Variants in ZCCHC7 observed in about 807,000 individuals in gnomAD.
ZCCHC7 encodes zinc finger CCHC-type containing 7.
Under a neutral mutation model 52.0 loss-of-function variants are expected in ZCCHC7, and 35 were observed. The observed-to-expected ratio is 0.67, with a 90% CI of 0.51 to 0.89. The LOEUF is 0.89. Among genes scored for constraint, ZCCHC7 ranks in the 40% least tolerant of loss-of-function variants. ZCCHC7 has a pLI of 0.00. For synonymous variants in ZCCHC7, 217 were observed against 221.5 expected, an observed-to-expected ratio of 0.98 and a Z score of 0.18; for missense variants, 574 against 649.1, an observed-to-expected ratio of 0.88 and a Z score of 1.26.
intron 2 of ZCCHC7, among the ~76,000 whole-genome samples, chr9:37,280,065 C>G (rs1044647423): frequency 2.0e-5 from 3 of 151,864 alleles, no homozygotes; most frequent in African/African-American, 2.4e-5. Context: ...GGCGCGAACC[C>G]GGGAGGCGGA....
chr9:37,238,635 G>C (rs541873427), intron 2 of ZCCHC7, among the ~76,000 whole-genome samples: 1 of 151,782 alleles, frequency 6.6e-6, no homozygotes, highest in African/African-American at 2.4e-5. Flanking sequence ...ATTTGGTTTC[G>C]ATTTTGCTTA....
At chr9:37,199,526 T>C (rs564020455) in intron 2 of ZCCHC7, among the ~76,000 whole-genome samples, 1 of 151,938 alleles carries the variant, frequency 6.6e-6, no homozygotes, top group African/African-American at 2.4e-5. Context: ...AGACACAGGG[T>C]TTCACTATGT....
intron 2 of ZCCHC7, among the ~76,000 whole-genome samples, chr9:37,178,753 A>C (rs1822193510): frequency 6.6e-6 from 1 of 152,234 alleles, no homozygotes; most frequent in Admixed American, 6.5e-5. Context: ...AGAAACACGT[A>C]AAATAGCCAT....
intron 2 of ZCCHC7, among the ~76,000 whole-genome samples, chr9:37,143,309 C>T (rs1843307954): frequency 1.3e-5 from 2 of 151,354 alleles, no homozygotes; most frequent in South Asian, 4.2e-4. Flanking sequence ...TTTTTTAGGC[C>T]AAAAAATGCT....
At chr9:37,130,333 C>CTTTT (rs1564131111) in intron 2 of ZCCHC7, among the ~76,000 whole-genome samples, 1 of 112,912 alleles carries the variant, frequency 8.9e-6, no homozygotes, top group Non-Finnish European at 1.8e-5. Flanking sequence ...GGAATTCTCT[C>CTTTT]CTTTTTTTTT....
At chr9:37,323,352 A>G (rs1427461724) in intron 5 of ZCCHC7, among the ~76,000 whole-genome samples, 2 of 152,226 alleles carry the variant, frequency 1.3e-5, no homozygotes, top group East Asian at 1.9e-4. Flanking sequence ...GAGAATATCA[A>G]AGAGAAAAAT....
intron 7 of ZCCHC7, among the ~76,000 whole-genome samples, chr9:37,353,556 G>A (rs1207390183): frequency 6.6e-6 from 1 of 152,154 alleles, no homozygotes; most frequent in African/African-American, 2.4e-5. Flanking sequence ...AAATGGGAAG[G>A]ACTTACATGG....
chr9:37,286,858 T>C (rs1588614670), intron 2 of ZCCHC7, among the ~76,000 whole-genome samples: 1 of 5,506 alleles, frequency 1.8e-4, no homozygotes, highest in African/African-American at 1.1e-3. Context: ...CCCCCTTCCC[T>C]CCCTCCCTCC....
At chr9:37,251,806 A>G (rs1394887571) in intron 2 of ZCCHC7, among the ~76,000 whole-genome samples, 1 of 152,196 alleles carries the variant, frequency 6.6e-6, no homozygotes, top group Non-Finnish European at 1.5e-5. Flanking sequence ...GCCAGGGGTA[A>G]CTAGAGAGTA....
chr9:37,155,088 T>C (rs1434369984), intron 2 of ZCCHC7, among the ~76,000 whole-genome samples: 3 of 152,016 alleles, frequency 2.0e-5, no homozygotes, highest in Non-Finnish European at 4.4e-5. Context: ...GGGCGGGGTG[T>C]AGTGGCTCAC....
chr9:37,333,547 G>T (rs1830530745), intron 6 of ZCCHC7, among the ~76,000 whole-genome samples: 1 of 151,674 alleles, frequency 6.6e-6, no homozygotes, highest in Non-Finnish European at 1.5e-5. Flanking sequence ...AGAAGTACTT[G>T]TTGTGGTCAT....
intron 2 of ZCCHC7, among the ~76,000 whole-genome samples, chr9:37,254,837 C>CTTTTTTTTTTTTTTTTTT (rs59489076): frequency 2.5e-4 from 23 of 93,464 alleles, no homozygotes; most frequent in Non-Finnish European, 3.6e-4. Context: ...CAAAAAGTTT[C>CTTTTTTTTTTTTTTTTTT]TTTTTTTTTT....
At chr9:37,273,004 A>T (rs1360502323) in intron 2 of ZCCHC7, among the ~76,000 whole-genome samples, 4 of 152,228 alleles carry the variant, frequency 2.6e-5, no homozygotes, top group Non-Finnish European at 5.9e-5. Flanking sequence ...GTGCATGTAT[A>T]TGAGAGTTTC....
chr9:37,337,408 C>T (rs1465241626), intron 6 of ZCCHC7, among the ~76,000 whole-genome samples: 1 of 110,942 alleles, frequency 9.0e-6, no homozygotes, highest in Non-Finnish European at 1.8e-5. Context: ...CCCACCCCCC[C>T]CCCCCCCAAA....
chr9:37,136,458 CT>C lies in ZCCHC7; in HGVS notation c.610+9517del. Among the ~76,000 whole-genome samples the C allele has an allele frequency of 3.3e-5, 5 of 152,104 alleles. 1 individual carries two copies. In the South Asian group the frequency reaches 1.0e-3, roughly 32 times the overall value. ...AGGGTGTCTCTCTCCCACCCCACCC[CT>C]GCCCCACCTGCAATCTCTCTCTCTC... is the stretch of plus-strand genomic sequence containing the variant. On this transcript the variant is annotated intron_variant, in intron 2 of 8. Coordinates refer to ENST00000336755, the MANE Select transcript of ZCCHC7 (RefSeq NM_032226.3).
At chr9:37,337,396 CACCCA>C (rs1450723623) in intron 6 of ZCCHC7, among the ~76,000 whole-genome samples, 11 of 22,768 alleles carry the variant, frequency 4.8e-4, no homozygotes, top group African/African-American at 1.5e-3. Context: ...CCACCCTACC[CACCCA>C]CCCCCCCCCC....
chr9:37,218,625 A>G (rs777816527), intron 2 of ZCCHC7, among the ~76,000 whole-genome samples: 4 of 152,188 alleles, frequency 2.6e-5, no homozygotes, highest in Non-Finnish European at 5.9e-5. Flanking sequence ...CTTGGCCAAC[A>G]TGGTGAAACC....
chr9:37,226,436 A>G (rs1825108384), intron 2 of ZCCHC7, among the ~76,000 whole-genome samples: 1 of 152,160 alleles, frequency 6.6e-6, no homozygotes, highest in Admixed American at 6.5e-5. Context: ...AATTTTCTAA[A>G]TTGATTATAA....
chr9:37,150,155 T>C (rs1365464900), intron 2 of ZCCHC7, among the ~76,000 whole-genome samples: 1 of 152,202 alleles, frequency 6.6e-6, no homozygotes, highest in Non-Finnish European at 1.5e-5. Flanking sequence ...TTTAGGTTTT[T>C]AATCAGGTTG....
Sources: gnomAD v4.1 joint callset for allele counts (sites outside exome capture counted in the v4.1 genomes callset) on GRCh38, gnomAD v4.1.1 for gene constraint, MANE v1.5 for transcripts, NCBI Gene and HGNC (gene_info 2026-07-23, HGNC 2026-07-21) for gene names.